B3GALT1: variants seen among roughly 807,000 people sequenced by gnomAD.
B3GALT1 encodes beta-1,3-galactosyltransferase 1.
A neutral mutation model predicts 23.2 loss-of-function variants in B3GALT1; 10 were observed. That is an observed-to-expected ratio of 0.43 (90% CI 0.27 to 0.73). The LOEUF is 0.73. Ranked by LOEUF, B3GALT1 falls within the 30% of genes least tolerant of loss-of-function variation. B3GALT1 has a pLI of 0.21. For synonymous variants in B3GALT1, 156 were observed against 141.5 expected (o/e 1.10, Z -0.73); for missense variants, 299 against 405.4 (o/e 0.74, Z 2.25).
At chr2:167,867,143 G>C (rs569664458) in intron 4 of B3GALT1, among the ~76,000 whole-genome samples, 2 of 152,208 alleles carry the variant, frequency 1.3e-5, no homozygotes, top group South Asian at 2.1e-4. Flanking sequence ...AGCCAGGATG[G>C]TCTCGATCTC....
intron 4 of B3GALT1, among the ~76,000 whole-genome samples, chr2:167,841,912 A>G (rs1303509596): frequency 6.6e-6 from 1 of 152,236 alleles, no homozygotes; most frequent in East Asian, 1.9e-4. Context: ...TTCCTTTAAA[A>G]TAATAAAATT....
rs553705047 is a variant in B3GALT1, at chr2:167,387,773, GA to G, written c.-511+94448del. ...TGTGGTCATATTTTGTTTGGAAAAG[GA>G]AAAAAAAATAGTTAGTGTTAATCTC... On this transcript the variant is annotated intron_variant, in intron 1 of 4. Transcript: ENST00000392690. Among the ~76,000 whole-genome samples the G allele has an allele frequency of 2.4e-4, 36 of 150,320 alleles. No individual in the cohort carries two copies. In the South Asian group the frequency reaches 6.7e-3, roughly 28 times the overall value.
intron 4 of B3GALT1, among the ~76,000 whole-genome samples, chr2:167,848,617 A>G (rs111700050): frequency 2.0e-5 from 3 of 152,334 alleles, no homozygotes; most frequent in African/African-American, 7.2e-5. Flanking sequence ...GCCATCTATG[A>G]CAAACCCACC....
chr2:167,636,995 A>AT (rs1383555939), intron 2 of B3GALT1, among the ~76,000 whole-genome samples: 1 of 151,626 alleles, frequency 6.6e-6, no homozygotes, highest in African/African-American at 2.4e-5. Flanking sequence ...AATAATAATA[A>AT]AAAAAAATAG....
At chr2:167,303,607 A>G (rs1174435099) in intron 1 of B3GALT1, among the ~76,000 whole-genome samples, 1 of 150,966 alleles carries the variant, frequency 6.6e-6, no homozygotes, top group Non-Finnish European at 1.5e-5. Context: ...GCTTGAGTTG[A>G]GACATCTGTT....
intron 2 of B3GALT1, among the ~76,000 whole-genome samples, chr2:167,590,561 G>C (rs1684662758): frequency 1.3e-5 from 2 of 152,016 alleles, no homozygotes; most frequent in South Asian, 4.1e-4. Flanking sequence ...GAAATAACAT[G>C]AAGAAATATG....
chr2:167,437,928 T>G (rs903162425), intron 1 of B3GALT1, among the ~76,000 whole-genome samples: 1 of 152,154 alleles, frequency 6.6e-6, no homozygotes, highest in Non-Finnish European at 1.5e-5. Flanking sequence ...TCTGTTAAGG[T>G]AGACCCATTG....
intron 3 of B3GALT1, among the ~76,000 whole-genome samples, chr2:167,807,954 T>C (rs1160297321): frequency 6.6e-6 from 1 of 152,134 alleles, no homozygotes; most frequent in Non-Finnish European, 1.5e-5. Flanking sequence ...TTTGTAGGTC[T>C]CTAAGGACTT....
rs1299503426 is a variant in B3GALT1 at position 167,747,574 on chromosome 2, C to G, written c.-351-71098C>G. Among the ~76,000 whole-genome samples the G allele has an allele frequency of 2.0e-5, 3 of 152,280 alleles. No individual in the cohort carries two copies. In the East Asian group the frequency reaches 5.8e-4, roughly 29 times the overall value. On this transcript the variant is annotated intron_variant, in intron 3 of 4. Transcript: ENST00000392690. The stretch of plus-strand genomic sequence containing the variant: ...AAAACAACTAGAGGTTAAAGAGGCT[C>G]AAGAGAAACTCATCTAATTCACAGT...
intron 1 of B3GALT1, among the ~76,000 whole-genome samples, chr2:167,329,090 C>T (rs902187743): frequency 5.9e-5 from 9 of 151,890 alleles, no homozygotes; most frequent in South Asian, 2.1e-4. Context: ...TGGGATTACA[C>T]GAGTGAGCCA....
intron 1 of B3GALT1, among the ~76,000 whole-genome samples, chr2:167,302,428 T>C (rs1167371112): frequency 1.3e-5 from 2 of 152,152 alleles, no homozygotes; most frequent in Non-Finnish European, 2.9e-5. Context: ...ATTGGAGTGA[T>C]ATGCTTAATT....
At chr2:167,664,058 A>C (rs1686125860) in intron 3 of B3GALT1, among the ~76,000 whole-genome samples, 1 of 150,788 alleles carries the variant, frequency 6.6e-6, no homozygotes, top group African/African-American at 2.5e-5. Context: ...CTGAATGGTA[A>C]TGCCTAGGTT....
At chr2:167,411,948 A>T (rs187934205) in intron 1 of B3GALT1, among the ~76,000 whole-genome samples, 1 of 152,338 alleles carries the variant, frequency 6.6e-6, no homozygotes, top group East Asian at 1.9e-4. Context: ...GAAATAAATT[A>T]GGTACAGAAA....
chr2:167,632,135 T>C (rs997064958), intron 2 of B3GALT1, among the ~76,000 whole-genome samples: 18 of 152,130 alleles, frequency 1.2e-4, no homozygotes, highest in African/African-American at 4.1e-4. Context: ...CATCCTTTTT[T>C]ATGGCTGCAT....
intron 1 of B3GALT1, among the ~76,000 whole-genome samples, chr2:167,418,513 G>C (rs1698501677): frequency 6.6e-6 from 1 of 152,016 alleles, no homozygotes; most frequent in Non-Finnish European, 1.5e-5. Context: ...ATTTTCCATT[G>C]ACTTATCTTA....
intron 2 of B3GALT1, among the ~76,000 whole-genome samples, chr2:167,508,448 C>T (rs1294106812): frequency 2.0e-5 from 3 of 151,626 alleles, no homozygotes; most frequent in East Asian, 3.9e-4. Context: ...TTAGTAGAGA[C>T]GGGGTTTCAC....
At chr2:167,807,403 T>A (rs1453439463) in intron 3 of B3GALT1, among the ~76,000 whole-genome samples, 1 of 152,230 alleles carries the variant, frequency 6.6e-6, no homozygotes, top group Non-Finnish European at 1.5e-5. Flanking sequence ...TTAGTTGTGA[T>A]GTTAGGGTGT....
intron 1 of B3GALT1, among the ~76,000 whole-genome samples, chr2:167,353,187 G>T (rs1697344664): frequency 1.3e-5 from 2 of 152,144 alleles, no homozygotes; most frequent in Admixed American, 1.3e-4. Flanking sequence ...TTTATTTCCT[G>T]TCTCAACTGG....
intron 2 of B3GALT1, among the ~76,000 whole-genome samples, chr2:167,527,361 T>A (rs1683240168): frequency 6.7e-6 from 1 of 149,966 alleles, no homozygotes; most frequent in South Asian, 2.2e-4. Flanking sequence ...TTGATTTTAA[T>A]CATTTTTCTT....
Sources: allele counts gnomAD v4.1 joint callset (sites outside exome capture counted in the v4.1 genomes callset), GRCh38; gene constraint gnomAD v4.1.1; transcripts MANE v1.5; gene names NCBI Gene and HGNC (gene_info 2026-07-23, HGNC 2026-07-21).